The following KISS1 variants were observed in gnomAD, a reference collection of about 807,000 sequenced individuals.
The protein encoded by KISS1 is metastasis-suppressor KiSS-1.
For synonymous variants in KISS1, 97 were observed against 88.7 expected, an observed-to-expected ratio of 1.09 and a Z score of -0.52; for missense variants, 182 against 182.7, an observed-to-expected ratio of 1.00 and a Z score of 0.02.
At position 204,190,409 on chromosome 1, in the gene KISS1, T is replaced by TGCCCCCCCCCC; in HGVS notation, c.*74_*75insGGGGGGGGGGC. The TGCCCCCCCCCC allele has an allele frequency of 7.5e-5, 43 of 570,068 alleles. No homozygotes were observed. Among genetic ancestry groups the TGCCCCCCCCCC allele is most frequent in the Non-Finnish European group, 9.0e-5 (29 of 320,542 alleles). 35.3% of individuals were successfully genotyped at this position (570,068 alleles called of 1,614,324 possible). Reference sequence around the variant, plus strand: ...CAGCGCCCCCTCCCTTAGCCCTACGTCCCCGCCCCCCGCCCCCGCCCCGCA... The same window carrying TGCCCCCCCCCC: ...CAGCGCCCCCTCCCTTAGCCCTACGTGCCCCCCCCCCCCCCGCCCCCCGCCCCCGCCCCGCA... On this transcript the variant is annotated 3_prime_UTR_variant, in exon 3 of 3. Coordinates refer to ENST00000367194, the MANE Select transcript of KISS1 (RefSeq NM_002256.4).
Position 204,190,433 on chromosome 1 carries a change from C to CCA in KISS1, c.*50_*51insTG. 9.2e-7 allele frequency: 1 copy of CCA among 1,091,180 alleles called. No individual in the cohort carries two copies. The highest frequency in any genetic ancestry group is 1.6e-5 in the African/African-American group (1 of 62,946). The allele number at this position is 1,091,180 out of a possible 1,614,324, so 67.6% of individuals were successfully genotyped here. A position where few individuals can be genotyped will look rare whatever the true frequency, so the allele number is the denominator to read the frequency against. ...GTCCCCGCCCCCCGCCCCCGCCCCG[C>CCA]ATGCTCTGACTCCTTTGGGGTCTGA... On this transcript the variant is annotated 3_prime_UTR_variant, in exon 3 of 3. Transcript: ENST00000367194.
intron 1 of KISS1, among the ~76,000 whole-genome samples, chr1:204,194,886 G>A (rs1177591477): frequency 6.6e-6 from 1 of 152,090 alleles, no homozygotes; most frequent in Non-Finnish European, 1.5e-5. Context: ...CTAGTGACAA[G>A]GCTGGGGGAA....
intron 1 of KISS1, among the ~76,000 whole-genome samples, chr1:204,195,406 CG>C (rs1658836840): frequency 1.9e-5 from 2 of 104,438 alleles, no homozygotes; most frequent in African/African-American, 3.5e-5. Context: ...ACACCACACA[CG>C]CACACACACC....
Position 204,192,750 on chromosome 1 carries a change from C to T in KISS1, c.103+24G>A, listed in dbSNP as rs1376989444. On this transcript the variant is annotated intron_variant, in intron 2 of 2. Coordinates refer to ENST00000367194, the MANE Select transcript of KISS1 (RefSeq NM_002256.4). This position sits in a 1 kb window ranked among gnomAD's most constrained non-coding sequence, Gnocchi z 4.2. ...GCAACAACCCACTTGCTCCCTCCCACTCCTTTCCCCAGAGGATACATACCT... is the reference window on the plus strand; with the variant it reads ...GCAACAACCCACTTGCTCCCTCCCATTCCTTTCCCCAGAGGATACATACCT... 2.0e-6 allele frequency: 3 copies of T among 1,476,186 alleles called. No homozygotes were observed. Among genetic ancestry groups the T allele is most frequent in the African/African-American group, 1.4e-5 (1 of 72,614 alleles). 91.4% of individuals were successfully genotyped at this position (1,476,186 alleles called of 1,614,324 possible). A position where few individuals can be genotyped will look rare whatever the true frequency, so the allele number is the denominator to read the frequency against.
chr1:204,196,348 C>T (rs1658857737), intron 1 of KISS1, 28 bp downstream of exon 1: 1 of 152,388 alleles, frequency 6.6e-6, no homozygotes, highest in South Asian at 2.1e-4. Flanking sequence ...GACCCCCTTC[C>T]CAGGGGTGGA....
In KISS1 at chr1:204,190,788, A is replaced by G; in HGVS notation, c.113T>C (p.Leu38Pro). The G allele has an allele frequency of 6.2e-7, 1 of 1,611,058 alleles. No homozygotes were observed. The highest frequency in any genetic ancestry group is 8.5e-7 in the Non-Finnish European group (1 of 1,179,408). The change falls in exon 3 of 3, where the codon CTA (leucine) becomes CCA (proline). Residue 38 changes from leucine (L) to proline (P), a missense_variant. Physicochemically the swap from Leu to Pro is moderately conservative, Grantham distance 98. Transcript: ENST00000367194. ...VGNSRPTGQQ[L>P]ESLGLLAPGE... The stretch of plus-strand genomic sequence containing the variant: ...GGGGGCCAGGAGGCCCAGGGATTCT[A>G]GCTGCTGGCCTAGGACAGAGGGCAC...
In KISS1 at chr1:204,190,407, C is replaced by CGGGGGG; in HGVS notation, c.*76_*77insCCCCCC. On this transcript the variant is annotated 3_prime_UTR_variant, in exon 3 of 3. Transcript: ENST00000367194. ...TCCAGCGCCCCCTCCCTTAGCCCTACGTCCCCGCCCCCCGCCCCCGCCCCG... is the reference window on the plus strand; with the variant it reads ...TCCAGCGCCCCCTCCCTTAGCCCTACGGGGGGGTCCCCGCCCCCCGCCCCCGCCCCG... 1 of 779,258 alleles carries CGGGGGG rather than the reference C, an allele frequency of 1.3e-6. No individual in the cohort carries two copies. The highest frequency in any genetic ancestry group is 2.0e-6 in the Non-Finnish European group (1 of 493,570). The allele number at this position is 779,258 out of a possible 1,614,324, so 48.3% of individuals were successfully genotyped here. A position where few individuals can be genotyped will look rare whatever the true frequency, so the allele number is the denominator to read the frequency against.
chr1:204,190,408 G>GGC lies in KISS1; in HGVS notation c.*75_*76insGC, dbSNP rs1658709621. 2.6e-6 allele frequency: 2 copies of GGC among 762,880 alleles called. No individual in the cohort carries two copies. 47.3% of individuals were successfully genotyped at this position (762,880 alleles called of 1,614,324 possible). Reference sequence around the variant, plus strand: ...CCAGCGCCCCCTCCCTTAGCCCTACGTCCCCGCCCCCCGCCCCCGCCCCGC... The same window carrying GGC: ...CCAGCGCCCCCTCCCTTAGCCCTACGGCTCCCCGCCCCCCGCCCCCGCCCCGC... On this transcript the variant is annotated 3_prime_UTR_variant, in exon 3 of 3. Coordinates refer to ENST00000367194, the MANE Select transcript of KISS1 (RefSeq NM_002256.4).
chr1:204,192,622 A>G lies in KISS1; in HGVS notation c.103+152T>C. Reference sequence around the variant, plus strand: ...ATCCGTCACTTGCAGGGTTAACAGGACCCCCTCAATGAGTTGCATGTGTGC... The same window carrying G: ...ATCCGTCACTTGCAGGGTTAACAGGGCCCCCTCAATGAGTTGCATGTGTGC... On this transcript the variant is annotated intron_variant, in intron 2 of 2. Transcript: ENST00000367194. The surrounding 1 kb of genome is among the most constrained non-coding windows in gnomAD (Gnocchi z 4.2). 1.5e-6 allele frequency: 1 copy of G among 661,698 alleles called. No individual in the cohort carries two copies. Among genetic ancestry groups the G allele is most frequent in the African/African-American group, 1.8e-5 (1 of 56,178 alleles). The allele number at this position is 661,698 out of a possible 1,614,324, so 41.0% of individuals were successfully genotyped here.
rs1022149703 is a variant in KISS1, at chr1:204,192,760, C to T, written c.103+14G>A. On this transcript the variant is annotated intron_variant, in intron 2 of 2. Transcript: ENST00000367194. The surrounding 1 kb of genome is among the most constrained non-coding windows in gnomAD (Gnocchi z 4.2). ...ACTTGCTCCCTCCCACTCCTTTCCC[C>T]AGAGGATACATACCTGTGGGTCTAG... 15 of 1,542,750 alleles carry T rather than the reference C, an allele frequency of 9.7e-6. No homozygotes were observed. Among genetic ancestry groups the T allele is most frequent in the Non-Finnish European group, 1.2e-5 (14 of 1,125,220 alleles).
chr1:204,192,391 G>GA lies in KISS1; in HGVS notation c.103+382_103+383insT, dbSNP rs1349159302. Among the ~76,000 whole-genome samples the GA allele has an allele frequency of 7.3e-6, 1 of 136,854 alleles. No individual in the cohort carries two copies. Among genetic ancestry groups the GA allele is most frequent in the African/African-American group, 2.9e-5 (1 of 34,630 alleles). 89.8% of individuals were successfully genotyped at this position (136,854 alleles called of 152,430 possible). On this transcript the variant is annotated intron_variant, in intron 2 of 2. Coordinates refer to ENST00000367194, the MANE Select transcript of KISS1 (RefSeq NM_002256.4). This position sits in a 1 kb window ranked among gnomAD's most constrained non-coding sequence, Gnocchi z 4.2. ...TATCAAATATCTGCCCTTTGGTTTA[G>GA]GTTTTTTTTTTTTTCCAAATTCTCC...
intron 2 of KISS1, among the ~76,000 whole-genome samples, chr1:204,191,019 C>G (rs1658734777): frequency 6.6e-6 from 1 of 152,212 alleles, no homozygotes; most frequent in South Asian, 2.1e-4. Context: ...CCAGAATTAT[C>G]TTAAATAACT....
Position 204,196,399 on chromosome 1 carries a change from A to C in KISS1, c.-62T>G, listed in dbSNP as rs961874028. On this transcript the variant is annotated 5_prime_UTR_variant, in exon 1 of 3. Transcript: ENST00000367194. ...ACCTTGCCTCAGTCCTGGCCTGGGC[A>C]GGAGTCTGGCGGAGCCTCTGAGGTG... 1.6e-4 allele frequency: 24 copies of C among 152,350 alleles called. No homozygotes were observed. Among genetic ancestry groups the C allele is most frequent in the African/African-American group, 5.8e-4 (24 of 41,460 alleles). 9.4% of individuals were successfully genotyped at this position (152,350 alleles called of 1,614,324 possible).
chr1:204,190,416 C>T lies in KISS1; in HGVS notation c.*68G>A, dbSNP rs907418491. 2.0e-5 allele frequency: 12 copies of T among 606,966 alleles called. 3 individuals carry two copies. The highest frequency in any genetic ancestry group is 1.4e-4 in the African/African-American group (7 of 50,100). 37.6% of individuals were successfully genotyped at this position (606,966 alleles called of 1,614,324 possible). Reference sequence around the variant, plus strand: ...CCCTCCCTTAGCCCTACGTCCCCGCCCCCCGCCCCCGCCCCGCATGCTCTG... The same window carrying T: ...CCCTCCCTTAGCCCTACGTCCCCGCTCCCCGCCCCCGCCCCGCATGCTCTG... On this transcript the variant is annotated 3_prime_UTR_variant, in exon 3 of 3. Transcript: ENST00000367194.
chr1:204,191,166 TC>T (rs1226364181), intron 2 of KISS1, among the ~76,000 whole-genome samples: 1 of 152,190 alleles, frequency 6.6e-6, no homozygotes, highest in Non-Finnish European at 1.5e-5. Flanking sequence ...CCATGTTAAT[TC>T]ATCTCTGTAT....
Position 204,192,706 on chromosome 1 carries a change from A to T in KISS1, c.103+68T>A. 1.1e-6 allele frequency: 1 copy of T among 950,778 alleles called. No homozygotes were observed. The highest frequency in any genetic ancestry group is 2.1e-4 in the Middle Eastern group (1 of 4,848). 58.9% of individuals were successfully genotyped at this position (950,778 alleles called of 1,614,324 possible). On this transcript the variant is annotated intron_variant, in intron 2 of 2. Coordinates refer to ENST00000367194, the MANE Select transcript of KISS1 (RefSeq NM_002256.4). The surrounding 1 kb of genome is among the most constrained non-coding windows in gnomAD (Gnocchi z 4.2). Reference sequence around the variant, plus strand: ...CTCACACCAGTCGACTAGATGGAAAATACGGGAAAGCTCATTTTGCAACAA... The same window carrying T: ...CTCACACCAGTCGACTAGATGGAAATTACGGGAAAGCTCATTTTGCAACAA...
At chr1:204,195,220 CCCAT>C (rs1558254591) in intron 1 of KISS1, among the ~76,000 whole-genome samples, 22 of 1,708 alleles carry the variant, frequency 0.013, no homozygotes, top group African/African-American at 0.021. Flanking sequence ...TACGCACACA[CCCAT>C]ACACATATAC....
chr1:204,191,664 G>C (rs1296756012), intron 2 of KISS1, among the ~76,000 whole-genome samples: 1 of 152,248 alleles, frequency 6.6e-6, no homozygotes, highest in Non-Finnish European at 1.5e-5. Context: ...AGTTGGCTTT[G>C]AGCCCTGCTC....
At chr1:204,193,006 CAA>C (rs886863177) in intron 1 of KISS1, 92 bp from the exon 2 acceptor site, 4 of 716,658 alleles carry the variant, frequency 5.6e-6, no homozygotes, top group African/African-American at 5.2e-5. Flanking sequence ...GACAGTCCTC[CAA>C]GAGAGGGGCA....
Sources: gnomAD v4.1 joint callset for allele counts (sites outside exome capture counted in the v4.1 genomes callset) on GRCh38, gnomAD v4.1.1 for gene constraint, Gnocchi (gnomAD v3.1) non-coding constraint, MANE v1.5 for transcripts, NCBI Gene and HGNC (gene_info 2026-07-23, HGNC 2026-07-21) for gene names.